The following SLC22A23 variants were observed in gnomAD, a reference collection of about 807,000 sequenced individuals.
SLC22A23 encodes ion transporter protein.
In SLC22A23, 26 loss-of-function variants were observed where a neutral mutation model predicts 61.0. The ratio of observed to expected loss-of-function variants is 0.43; its 90% confidence interval spans 0.31 to 0.59. The LOEUF (loss-of-function observed/expected upper bound fraction) is 0.59. Among genes scored for constraint, SLC22A23 ranks in the 20% least tolerant of loss-of-function variants. SLC22A23 has a pLI of 0.11. For synonymous variants in SLC22A23, 430 were observed against 413.9 expected, an observed-to-expected ratio of 1.04 and a Z score of -0.47; for missense variants, 796 against 934.7, an observed-to-expected ratio of 0.85 and a Z score of 1.94.
intron 5 of SLC22A23, chr6:3,290,074 C>T (rs1239395840): frequency 1.7e-6 from 1 of 585,506 alleles, no homozygotes; most frequent in African/African-American, 1.9e-5. Flanking sequence ...GTTCAGGTTT[C>T]GCTCGGGTGC....
chr6:3,275,150 G>A (rs1758777762), intron 9 of SLC22A23, among the ~76,000 whole-genome samples: 1 of 152,232 alleles, frequency 6.6e-6, no homozygotes. Context: ...AGAACTGGGA[G>A]TTCAGAAACT....
intron 8 of SLC22A23, 97 bp downstream of exon 8, chr6:3,284,980 AAG>A (rs534274825): frequency 5.1e-6 from 8 of 1,556,872 alleles, no homozygotes; most frequent in South Asian, 1.2e-5. Context: ...AACGGGGAGA[AAG>A]AGAAAATGGA....
chr6:3,363,649 G>A (rs1228651549), intron 3 of SLC22A23, among the ~76,000 whole-genome samples: 1 of 152,262 alleles, frequency 6.6e-6, no homozygotes, highest in Non-Finnish European at 1.5e-5. Flanking sequence ...CAATTCTCCA[G>A]AGGACAATGC....
At position 3,427,363 on chromosome 6, in the gene SLC22A23, CA is replaced by C. The variant is rs1348751962; in HGVS notation, c.655-11509del. Among the ~76,000 whole-genome samples the C allele has an allele frequency of 2.0e-5, 3 of 148,452 alleles. No individual in the cohort carries two copies. The highest frequency in any genetic ancestry group is 6.8e-5 in the Admixed American group (1 of 14,660). ...GGATCTGAGAGTAATAAAACTACTT[CA>C]AAAAGGGTTTTGATTACTTAGAGTC... On this transcript the variant is annotated intron_variant, in intron 1 of 9. Coordinates refer to ENST00000406686, the MANE Select transcript of SLC22A23 (RefSeq NM_015482.2). This position sits in a 1 kb window ranked among gnomAD's most constrained non-coding sequence, Gnocchi z 4.3.
At chr6:3,409,114 T>C (rs948016768) in intron 3 of SLC22A23, among the ~76,000 whole-genome samples, 3 of 152,242 alleles carry the variant, frequency 2.0e-5, no homozygotes, top group Non-Finnish European at 4.4e-5. Flanking sequence ...CATCTTGTCA[T>C]GCATATCTTC....
chr6:3,356,715 G>C (rs551196765), intron 3 of SLC22A23, among the ~76,000 whole-genome samples: 1 of 152,260 alleles, frequency 6.6e-6, no homozygotes, highest in South Asian at 2.1e-4. Context: ...TGAACCTCCA[G>C]GTCTTGAAAC....
At chr6:3,395,260 C>G (rs1216669881) in intron 3 of SLC22A23, among the ~76,000 whole-genome samples, 5 of 152,162 alleles carry the variant, frequency 3.3e-5, no homozygotes, top group Non-Finnish European at 5.9e-5. Flanking sequence ...TGGATTTATA[C>G]GCACCAAAGG....
intron 3 of SLC22A23, among the ~76,000 whole-genome samples, chr6:3,348,721 C>G (rs1314083033): frequency 6.6e-6 from 1 of 152,194 alleles, no homozygotes; most frequent in African/African-American, 2.4e-5. Flanking sequence ...AACCCAAGAT[C>G]CAACTAGCAA....
At position 3,272,450 on chromosome 6, in the gene SLC22A23, G is replaced by A. The variant is rs1232928871; in HGVS notation, c.*605C>T. On this transcript the variant is annotated 3_prime_UTR_variant, in exon 10 of 10. Coordinates refer to ENST00000406686, the MANE Select transcript of SLC22A23 (RefSeq NM_015482.2). ...GAAAGATGAAGCTGGTTTTAACGGC[G>A]TCTGTGAGCTGCTTTCCCTGCACAC... 6.5e-6 allele frequency: 1 copy of A among 152,802 alleles called. No homozygotes were observed. Among genetic ancestry groups the A allele is most frequent in the Middle Eastern group, 3.4e-3 (1 of 294 alleles). The allele number at this position is 152,802 out of a possible 1,614,324, so 9.5% of individuals were successfully genotyped here.
intron 3 of SLC22A23, among the ~76,000 whole-genome samples, chr6:3,340,277 T>C (rs1283894458): frequency 6.6e-6 from 1 of 152,148 alleles, no homozygotes; most frequent in African/African-American, 2.4e-5. Context: ...AGGTACTATC[T>C]GGAAGAAATG....
intron 5 of SLC22A23, among the ~76,000 whole-genome samples, chr6:3,292,566 C>T (rs1464059305): frequency 1.3e-5 from 2 of 152,218 alleles, no homozygotes; most frequent in Non-Finnish European, 2.9e-5. Flanking sequence ...CCAAAACCCA[C>T]GTCGAGCCGA....
intron 1 of SLC22A23, among the ~76,000 whole-genome samples, chr6:3,433,040 A>C (rs2127541838): frequency 6.6e-6 from 1 of 152,298 alleles, no homozygotes; most frequent in South Asian, 2.1e-4. Flanking sequence ...CAGAGGCCCC[A>C]CCTGTTTCAT....
chr6:3,323,724 C>CA, intron 4 of SLC22A23, 110 bp downstream of exon 4: 1 of 1,272,790 alleles, frequency 7.9e-7, no homozygotes, highest in Admixed American at 2.9e-5. Context: ...GACAGAACCA[C>CA]AAGCTGCAAC....
rs191683776 is a variant in SLC22A23 at position 3,281,029 on chromosome 6, C to T, written c.1703+2823G>A. Among the ~76,000 whole-genome samples, 93 of 152,278 alleles carry T rather than the reference C, an allele frequency of 6.1e-4. 1 individual carries two copies. The highest frequency in any genetic ancestry group is 3.4e-3 in the Middle Eastern group (1 of 294). On this transcript the variant is annotated intron_variant, in intron 9 of 9. Coordinates refer to ENST00000406686, the MANE Select transcript of SLC22A23 (RefSeq NM_015482.2). ...AACAGGCGGGTGTCATGATCACCAG[C>T]GCCTGCCTCCTCTCTCACCTGGACC... is the stretch of plus-strand genomic sequence containing the variant.
chr6:3,281,095 C>T (rs1285527595), intron 9 of SLC22A23, among the ~76,000 whole-genome samples: 2 of 152,220 alleles, frequency 1.3e-5, no homozygotes, highest in East Asian at 3.9e-4. Flanking sequence ...CCACCTGGAG[C>T]ATCCAGATGG....
chr6:3,439,302 G>A, intron 1 of SLC22A23: 1 of 450,302 alleles, frequency 2.2e-6, no homozygotes, highest in Non-Finnish European at 4.4e-6. Flanking sequence ...CATACCCCGT[G>A]GAAAGTGTCC....
intron 1 of SLC22A23, among the ~76,000 whole-genome samples, chr6:3,420,450 A>C (rs999657519): frequency 6.6e-6 from 1 of 152,172 alleles, no homozygotes; most frequent in Non-Finnish European, 1.5e-5. Context: ...CACAGTAATG[A>C]ATTCTATGAT....
chr6:3,328,540 G>A lies in SLC22A23; in HGVS notation c.914-4538C>T, dbSNP rs1360604158. ...CAGGAACCCCGGTGCTGCCAGGAGAGAGCTGACTTTGAGCGAGGGGCTTCT... is the reference window on the plus strand; with the variant it reads ...CAGGAACCCCGGTGCTGCCAGGAGAAAGCTGACTTTGAGCGAGGGGCTTCT... On this transcript the variant is annotated intron_variant, in intron 3 of 9. Transcript: ENST00000406686. The surrounding 1 kb of genome is among the most constrained non-coding windows in gnomAD (Gnocchi z 5.0). Among the ~76,000 whole-genome samples, 1 of 152,098 alleles carries A rather than the reference G, an allele frequency of 6.6e-6. No individual in the cohort carries two copies. The highest frequency in any genetic ancestry group is 2.4e-5 in the African/African-American group (1 of 41,392).
At chr6:3,383,795 C>T (rs901065366) in intron 3 of SLC22A23, among the ~76,000 whole-genome samples, 5 of 152,214 alleles carry the variant, frequency 3.3e-5, no homozygotes, top group Admixed American at 1.3e-4. Flanking sequence ...GGGCGGGCGA[C>T]GGGGCTGAGA....
Sources: allele counts gnomAD v4.1 joint callset (sites outside exome capture counted in the v4.1 genomes callset), GRCh38; gene constraint gnomAD v4.1.1; non-coding constraint Gnocchi (gnomAD v3.1); transcripts MANE v1.5; gene names NCBI Gene and HGNC (gene_info 2026-07-23, HGNC 2026-07-21).